STK32C: variants seen among roughly 807,000 people sequenced by gnomAD.
STK32C encodes serine/threonine kinase 32C.
In STK32C, 31 loss-of-function variants were observed where a neutral mutation model predicts 56.5. That is an observed-to-expected ratio of 0.55 (90% confidence interval 0.41 to 0.74). STK32C has a LOEUF of 0.74. STK32C is among the 30% of genes least tolerant of loss of function. The pLI is 0.00. For synonymous variants in STK32C, 309 were observed against 289.4 expected (o/e 1.07, Z -0.69); for missense variants, 544 against 676.9 (o/e 0.80, Z 2.18).
chr10:132,221,338 T>C (rs544579260), intron 10 of STK32C, among the ~76,000 whole-genome samples: 84 of 125,058 alleles, frequency 6.7e-4, no homozygotes, highest in African/African-American at 2.6e-3. Context: ...ACACAACTGA[T>C]GCTGACGCAC....
At chr10:132,286,120 T>TGG (rs2065397944) in intron 1 of STK32C, among the ~76,000 whole-genome samples, 1 of 150,214 alleles carries the variant, frequency 6.7e-6, no homozygotes, top group African/African-American at 2.5e-5. Flanking sequence ...AGCGAGACTC[T>TGG]GTCTCAAAAA....
chr10:132,245,984 T>C, intron 1 of STK32C, 29 bp from the exon 2 acceptor site: 1 of 1,611,912 alleles, frequency 6.2e-7, no homozygotes, highest in Non-Finnish European at 8.5e-7. Context: ...GGACACCTGG[T>C]GAGGTGGCAG....
chr10:132,283,505 G>T (rs1216064489), intron 1 of STK32C, among the ~76,000 whole-genome samples: 1 of 152,242 alleles, frequency 6.6e-6, no homozygotes, highest in African/African-American at 2.4e-5. Flanking sequence ...CAGATGGGCA[G>T]TGGGGAGGGC....
At chr10:132,209,393 G>T (rs1050373662) in intron 10 of STK32C, 2 of 638,440 alleles carry the variant, frequency 3.1e-6, no homozygotes, top group Non-Finnish European at 5.8e-6. Flanking sequence ...GCTGTTCTCT[G>T]CGGGACTTTG....
intron 1 of STK32C, among the ~76,000 whole-genome samples, chr10:132,325,069 T>G (rs2066469882): frequency 6.6e-6 from 1 of 152,228 alleles, no homozygotes; most frequent in South Asian, 2.1e-4. Context: ...TGGCTACTGT[T>G]AGAAACAATT....
rs1447546488 is a variant in STK32C at position 132,331,380 on chromosome 10, C to T, written c.301+56G>A. 11 of 1,538,216 alleles carry T rather than the reference C, an allele frequency of 7.2e-6. No individual in the cohort carries two copies. The Admixed American group carries it at 2.0e-4, about 28-fold the overall frequency. On this transcript the variant is annotated intron_variant, in intron 1 of 1. Coordinates refer to the STK32C transcript ENST00000368619. ...GACCACGCGAGCACCTCCCCTCCCG[C>T]CCGGTGTCATTTCATCTTCTTCCAA...
At chr10:132,238,580 G>A (rs2063381306) in intron 2 of STK32C, among the ~76,000 whole-genome samples, 1 of 152,202 alleles carries the variant, frequency 6.6e-6, no homozygotes, top group South Asian at 2.1e-4. Context: ...GGTGATTCAT[G>A]CAGGGGATGT....
At chr10:132,301,848 C>T (rs559385126) in intron 1 of STK32C, among the ~76,000 whole-genome samples, 2 of 152,344 alleles carry the variant, frequency 1.3e-5, no homozygotes, top group African/African-American at 4.8e-5. Flanking sequence ...GGTTAGAGAT[C>T]CCCCTCCAGG....
chr10:132,219,087 C>A (rs940432534), intron 10 of STK32C, among the ~76,000 whole-genome samples: 1 of 152,158 alleles, frequency 6.6e-6, no homozygotes, highest in African/African-American at 2.4e-5. Context: ...TGGGGTCTTT[C>A]TCTTACATTA....
intron 2 of STK32C, among the ~76,000 whole-genome samples, chr10:132,237,029 C>T (rs538039435): frequency 2.0e-5 from 3 of 152,354 alleles, no homozygotes; most frequent in South Asian, 4.1e-4. Flanking sequence ...CCACCCCTAA[C>T]GACGAGGCCG....
intron 1 of STK32C, among the ~76,000 whole-genome samples, chr10:132,249,508 G>C (rs953258322): frequency 6.6e-6 from 1 of 152,110 alleles, no homozygotes; most frequent in Admixed American, 6.5e-5. Context: ...GAGAAGCCCC[G>C]AGCCAAGTGG....
chr10:132,225,071 T>C (rs1304920423), intron 7 of STK32C, among the ~76,000 whole-genome samples, 162 bp downstream of exon 7: 2 of 152,116 alleles, frequency 1.3e-5, no homozygotes, highest in African/African-American at 4.8e-5. Flanking sequence ...GCTCAGGCAT[T>C]CCATCACCAA....
rs373856849 is a variant in STK32C at position 132,227,703 on chromosome 10, A to C, written c.470+274T>G. 3.9e-5 allele frequency among the ~76,000 whole-genome samples: 6 copies of C among 152,210 alleles called. No homozygotes were observed. In the East Asian group the frequency reaches 1.2e-3, roughly 29 times the overall value. On this transcript the variant is annotated intron_variant, in intron 3 of 11. Transcript: ENST00000298630. ...TGACTAGTGCCAGAGACTCCATGGGAGCACATCTCCATTGTAGGGAAGCCC... is the reference window on the plus strand; with the variant it reads ...TGACTAGTGCCAGAGACTCCATGGGCGCACATCTCCATTGTAGGGAAGCCC...
intron 2 of STK32C, among the ~76,000 whole-genome samples, chr10:132,231,688 C>T (rs76563077): frequency 0.04 from 6,155 of 152,286 alleles, 180 homozygotes; most frequent in Middle Eastern, 0.11. Flanking sequence ...TTGGGATGGG[C>T]CCTAAAGCCA....
intron 2 of STK32C, among the ~76,000 whole-genome samples, chr10:132,237,571 G>C (rs1012203205): frequency 3.3e-5 from 5 of 152,234 alleles, no homozygotes; most frequent in Non-Finnish European, 7.3e-5. Flanking sequence ...TCCCCACGCA[G>C]GGTTTCTTTG....
rs145520543 is a variant in STK32C at position 132,236,136 on chromosome 10, C to T, written c.319-8008G>A. 4.2e-3 allele frequency among the ~76,000 whole-genome samples: 637 copies of T among 151,640 alleles called. 4 individuals are homozygous for T. Among genetic ancestry groups the T allele is most frequent in the African/African-American group, 0.014 (593 of 41,054 alleles). On this transcript the variant is annotated intron_variant, in intron 2 of 11. Coordinates refer to ENST00000298630, the MANE Select transcript of STK32C (RefSeq NM_173575.4). ...GAAAAAGAGAAGAGTTGAGGCAATGCTTCCGTGGCCCCAAAGCCCACACAT... is the reference window on the plus strand; with the variant it reads ...GAAAAAGAGAAGAGTTGAGGCAATGTTTCCGTGGCCCCAAAGCCCACACAT...
At chr10:132,259,606 G>A (rs2064238908) in intron 1 of STK32C, among the ~76,000 whole-genome samples, 1 of 152,194 alleles carries the variant, frequency 6.6e-6, no homozygotes, top group African/African-American at 2.4e-5. Context: ...CCAGCCATGA[G>A]AACGTGCTGG....
chr10:132,228,110 G>T lies in STK32C; in HGVS notation c.337C>A (p.Arg113=). Residue 113 remains arginine (R), a synonymous_variant, in exon 3 of 12, where the codon CGG becomes AGG. Transcript: ENST00000298630. ...SFGKVCIVQK[R]DTEKMYAMKY... is the part of the protein sequence containing the mutation. ...ATGGCGTACATCTTCTCCGTGTCCCGCTTCTGCACAATGCACACCTGGAGG... is the reference window on the plus strand; with the variant it reads ...ATGGCGTACATCTTCTCCGTGTCCCTCTTCTGCACAATGCACACCTGGAGG... 2 of 1,613,928 alleles carry T rather than the reference G, an allele frequency of 1.2e-6. No homozygotes were observed. Among genetic ancestry groups the T allele is most frequent in the Non-Finnish European group, 1.7e-6 (2 of 1,180,022 alleles).
At chr10:132,224,777 GC>G (rs1231584729) in intron 7 of STK32C, among the ~76,000 whole-genome samples, 8 of 152,262 alleles carry the variant, frequency 5.3e-5, no homozygotes, top group Admixed American at 3.9e-4. Flanking sequence ...AGGTAGATCA[GC>G]CCCAGAGGGC....
Sources: gnomAD v4.1 joint callset for allele counts (sites outside exome capture counted in the v4.1 genomes callset) on GRCh38, gnomAD v4.1.1 for gene constraint, MANE v1.5 for transcripts, NCBI Gene and HGNC (gene_info 2026-07-23, HGNC 2026-07-21) for gene names.